Variants in KIF26B observed in about 807,000 individuals in gnomAD.
KIF26B encodes kinesin-like protein KIF26B.
A neutral mutation model predicts 151.2 loss-of-function variants in KIF26B; 63 were observed. The ratio of observed to expected loss-of-function variants is 0.42; its 90% CI spans 0.34 to 0.51. The LOEUF is 0.51. Ranked by LOEUF, KIF26B falls within the 20% of genes least tolerant of loss-of-function variation. KIF26B has a pLI of 0.07. For missense variants in KIF26B, 2,813 were observed against 2,913.6 expected (o/e 0.97, Z 0.79); for synonymous variants, 1,357 against 1,262.1 (o/e 1.08, Z -1.59).
intron 10 of KIF26B, among the ~76,000 whole-genome samples, chr1:245,679,442 GTTTTTTTTGTGTGTGT>G (rs2044399861): frequency 1.3e-5 from 1 of 74,182 alleles, no homozygotes; most frequent in Non-Finnish European, 3.0e-5. Flanking sequence ...GGTTTTTTGT[GTTTTTTTTGTGTGTGT>G]TTTTTTTTTT....
At chr1:245,502,028 G>A (rs759124382) in intron 4 of KIF26B, among the ~76,000 whole-genome samples, 1 of 152,182 alleles carries the variant, frequency 6.6e-6, no homozygotes, top group African/African-American at 2.4e-5. Flanking sequence ...GCAAACACCA[G>A]ACCTGTAGTA....
chr1:245,169,784 G>A (rs1395372066), intron 2 of KIF26B, among the ~76,000 whole-genome samples: 1 of 152,116 alleles, frequency 6.6e-6, no homozygotes, highest in Admixed American at 6.5e-5. Flanking sequence ...AATTATTAGG[G>A]ATCCTCCATA....
Position 245,242,458 on chromosome 1 carries a change from G to T in KIF26B, c.465+85775G>T, listed in dbSNP as rs148261641. On this transcript the variant is annotated intron_variant, in intron 2 of 14. Transcript: ENST00000407071. ...ATGTATGGTGTTCTCATTTGAGCTAGATATTCTACCTAAGAAATCTAAACA... is the reference window on the plus strand; with the variant it reads ...ATGTATGGTGTTCTCATTTGAGCTATATATTCTACCTAAGAAATCTAAACA... Among the ~76,000 whole-genome samples, 339 of 152,316 alleles carry T rather than the reference G, an allele frequency of 2.2e-3. 1 individual carries two copies. Among genetic ancestry groups the T allele is most frequent in the Middle Eastern group, 6.8e-3 (2 of 294 alleles).
rs551449495 is a variant in KIF26B at position 245,516,303 on chromosome 1, A to G, written c.1167-24464A>G. 6.6e-6 allele frequency among the ~76,000 whole-genome samples: 1 copy of G among 152,338 alleles called. No homozygotes were observed. Among genetic ancestry groups the G allele is most frequent in the African/African-American group, 2.4e-5 (1 of 41,570 alleles). ...TTTTCCTTCAGAAAATGCTATTTGC[A>G]GAACGGCAACAACAAAACGTGTAAC... On this transcript the variant is annotated intron_variant, in intron 4 of 14. Transcript: ENST00000407071. This position sits in a 1 kb window ranked among gnomAD's most constrained non-coding sequence, Gnocchi z 4.2.
At chr1:245,644,486 G>C (rs533196752) in intron 9 of KIF26B, among the ~76,000 whole-genome samples, 1 of 152,212 alleles carries the variant, frequency 6.6e-6, no homozygotes, top group South Asian at 2.1e-4. Flanking sequence ...TCTTCATTAT[G>C]GGTTTCATTT....
chr1:245,632,634 A>G (rs538267536), intron 9 of KIF26B, among the ~76,000 whole-genome samples: 12 of 152,332 alleles, frequency 7.9e-5, no homozygotes, highest in Non-Finnish European at 1.2e-4. Flanking sequence ...AGGACCAGGC[A>G]CATTGGCTCA....
At chr1:245,162,065 C>T (rs1018246211) in intron 2 of KIF26B, among the ~76,000 whole-genome samples, 1 of 152,312 alleles carries the variant, frequency 6.6e-6, no homozygotes, top group East Asian at 1.9e-4. Flanking sequence ...CCGAGGGCCC[C>T]GTCCTGACCT....
At chr1:245,197,542 C>T (rs540140681) in intron 2 of KIF26B, among the ~76,000 whole-genome samples, 155 of 152,136 alleles carry the variant, frequency 1.0e-3, no homozygotes, top group South Asian at 8.9e-3. Flanking sequence ...TCATGGCTAA[C>T]GATGGGGCTG....
chr1:245,316,927 C>G (rs1671790123), intron 2 of KIF26B, among the ~76,000 whole-genome samples: 1 of 150,066 alleles, frequency 6.7e-6, no homozygotes, highest in South Asian at 2.1e-4. Context: ...CCTGGGCTGT[C>G]CAGCCCGGGT....
chr1:245,355,912 ACTT>A (rs1277603597), intron 2 of KIF26B, among the ~76,000 whole-genome samples: 29 of 152,022 alleles, frequency 1.9e-4, no homozygotes, highest in Non-Finnish European at 2.9e-5. Flanking sequence ...GTCCCTGTCT[ACTT>A]CTTCCTTCTC....
In KIF26B at chr1:245,667,999, G is replaced by A. The variant is rs776911226; in HGVS notation, c.2259-16234G>A. Among the ~76,000 whole-genome samples the A allele has an allele frequency of 2.6e-5, 4 of 152,084 alleles. No homozygotes were observed. Among genetic ancestry groups the A allele is most frequent in the East Asian group, 1.9e-4 (1 of 5,172 alleles). On this transcript the variant is annotated intron_variant, in intron 10 of 14. Coordinates refer to ENST00000407071, the MANE Select transcript of KIF26B (RefSeq NM_018012.4). This position sits in a 1 kb window ranked among gnomAD's most constrained non-coding sequence, Gnocchi z 4.3. ...CAACTTCCACCTCCCAGGTTCAAGC[G>A]ATTCTCCTGCCTCAGCCTCCCAGGT...
chr1:245,491,942 G>C (rs1324104231), intron 4 of KIF26B, among the ~76,000 whole-genome samples: 1 of 152,000 alleles, frequency 6.6e-6, no homozygotes, highest in Admixed American at 6.6e-5. Flanking sequence ...TGAATTCCGG[G>C]TCAGATCTTC....
chr1:245,694,103 A>G (rs577442090), intron 12 of KIF26B, among the ~76,000 whole-genome samples: 1 of 152,354 alleles, frequency 6.6e-6, no homozygotes, highest in South Asian at 2.1e-4. Context: ...CACGGGAGGA[A>G]GCCCAGGCTC....
chr1:245,608,137 A>G (rs2043477724), intron 7 of KIF26B, among the ~76,000 whole-genome samples: 1 of 152,154 alleles, frequency 6.6e-6, no homozygotes, highest in African/African-American at 2.4e-5. Context: ...TAAAAGCCAG[A>G]GGAGCAACCT....
intron 2 of KIF26B, among the ~76,000 whole-genome samples, chr1:245,248,125 T>A (rs960752816): frequency 6.6e-6 from 1 of 152,246 alleles, no homozygotes; most frequent in East Asian, 1.9e-4. Context: ...ATTGCTTTTT[T>A]TTTTTCCCTC....
intron 2 of KIF26B, among the ~76,000 whole-genome samples, chr1:245,322,685 G>A (rs1671913381): frequency 6.6e-6 from 1 of 152,266 alleles, no homozygotes; most frequent in African/African-American, 2.4e-5. Context: ...TTTGGGTAGT[G>A]GTTGTTTATA....
Position 245,702,751 on chromosome 1 carries a change from A to G in KIF26B, c.*145A>G. The stretch of plus-strand genomic sequence containing the variant: ...AAGTCTGGAGCGGGCGTTGAGCGGA[A>G]GGCGAGTTTTCTTTTGTTTTCTGTA... On this transcript the variant is annotated 3_prime_UTR_variant, in exon 15 of 15. Transcript: ENST00000407071. The surrounding 1 kb of genome is among the most constrained non-coding windows in gnomAD (Gnocchi z 4.1). 1.1e-6 allele frequency: 1 copy of G among 894,272 alleles called. No individual in the cohort carries two copies. The highest frequency in any genetic ancestry group is 1.6e-6 in the Non-Finnish European group (1 of 613,780). The allele number at this position is 894,272 out of a possible 1,614,324, so 55.4% of individuals were successfully genotyped here. A position where few individuals can be genotyped will look rare whatever the true frequency, so the allele number is the denominator to read the frequency against.
At chr1:245,300,838 A>T (rs534298945) in intron 2 of KIF26B, among the ~76,000 whole-genome samples, 51 of 141,546 alleles carry the variant, frequency 3.6e-4, no homozygotes, top group South Asian at 1.1e-3. Context: ...CGAATTTTTA[A>T]TTTTTTTATT....
At position 245,358,319 on chromosome 1, in the gene KIF26B, G is replaced by A. The variant is rs193016095; in HGVS notation, c.466-8515G>A. On this transcript the variant is annotated intron_variant, in intron 2 of 14. Transcript: ENST00000407071. This position sits in a 1 kb window ranked among gnomAD's most constrained non-coding sequence, Gnocchi z 4.1. ...GCGGATCATGAGGTCAGGAAATCGAGACCATCCTGGCTAGCAGAGTGAAAC... is the reference window on the plus strand; with the variant it reads ...GCGGATCATGAGGTCAGGAAATCGAAACCATCCTGGCTAGCAGAGTGAAAC... Among the ~76,000 whole-genome samples the A allele has an allele frequency of 6.6e-6, 1 of 152,302 alleles. No homozygotes were observed. The highest frequency in any genetic ancestry group is 6.5e-5 in the Admixed American group (1 of 15,298).
Sources: allele counts gnomAD v4.1 joint callset (sites outside exome capture counted in the v4.1 genomes callset), GRCh38; gene constraint gnomAD v4.1.1; non-coding constraint Gnocchi (gnomAD v3.1); transcripts MANE v1.5; gene names NCBI Gene and HGNC (gene_info 2026-07-23, HGNC 2026-07-21).